The following OR2L2 variants were observed in gnomAD, a reference collection of about 807,000 sequenced individuals.
The protein encoded by OR2L2 is olfactory receptor 2L2.
For missense variants in OR2L2, 378 were observed against 375.2 expected (o/e 1.01, Z -0.06); for synonymous variants, 156 against 135.4 (o/e 1.15, Z -1.06).
chr1:248,033,373 A>G (rs1487293873), intron 1 of OR2L2, among the ~76,000 whole-genome samples: 1 of 152,120 alleles, frequency 6.6e-6, no homozygotes, highest in East Asian at 1.9e-4. Context: ...TTGCTTGCCA[A>G]AAAAATATTG....
chr1:248,031,851 C>T (rs1284940322), intron 1 of OR2L2, among the ~76,000 whole-genome samples: 2 of 151,988 alleles, frequency 1.3e-5, no homozygotes, highest in South Asian at 4.1e-4. Context: ...ATAGGGTACT[C>T]AGTTATAATA....
rs571944791 is a variant in OR2L2, at chr1:248,041,830, G to A, written c.*2624G>A. ...ATGAGATACCATCTCACACCAGTTA[G>A]AATGGCAATCATTAAAACGTCAGGA... is the stretch of plus-strand genomic sequence containing the variant. On this transcript the variant is annotated 3_prime_UTR_variant, in exon 3 of 3. Transcript: ENST00000641771. The A allele has an allele frequency of 5.3e-5, 8 of 152,332 alleles. No individual in the cohort carries two copies. The East Asian group carries it at 1.4e-3, about 26-fold the overall frequency. 9.4% of individuals were successfully genotyped at this position (152,332 alleles called of 1,614,324 possible).
At chr1:248,030,680 T>TA (rs1228179332) in intron 1 of OR2L2, among the ~76,000 whole-genome samples, 1 of 152,198 alleles carries the variant, frequency 6.6e-6, no homozygotes, top group Admixed American at 6.5e-5. Context: ...TGCTGCTTCT[T>TA]ACTTTGTGAT....
At chr1:248,037,755 G>A (rs149841784) in intron 2 of OR2L2, among the ~76,000 whole-genome samples, 180 of 152,188 alleles carry the variant, frequency 1.2e-3, no homozygotes, top group African/African-American at 3.9e-3. Flanking sequence ...TTTGCTTTCC[G>A]TGGTTTCTCC....
Position 248,038,393 on chromosome 1 carries a change from A to G in OR2L2, c.126A>G (p.Leu42=). ...TCCTAATGGCTCTAATTGGAAATCT[A>G]TCCATGATTCTTCTCATCTTTTTGG... is the stretch of plus-strand genomic sequence containing the variant. ...LIFLMALIGN[L]SMILLIFLDI... The change falls in exon 3 of 3, where the codon CTA becomes CTG. Residue 42 remains leucine, a synonymous_variant. Coordinates refer to ENST00000641771, the MANE Select transcript of OR2L2 (RefSeq NM_001385855.1). 1.2e-6 allele frequency: 2 copies of G among 1,613,636 alleles called. No homozygotes were observed. Among genetic ancestry groups the G allele is most frequent in the Non-Finnish European group, 1.7e-6 (2 of 1,179,606 alleles).
chr1:248,038,886 G>T lies in OR2L2; in HGVS notation c.619G>T (p.Val207Leu), dbSNP rs749535493. 15 of 1,613,994 alleles carry T rather than the reference G, an allele frequency of 9.3e-6. No individual in the cohort carries two copies. Among genetic ancestry groups the T allele is most frequent in the Non-Finnish European group, 1.3e-5 (15 of 1,180,040 alleles). The change falls in exon 3 of 3, where the codon GTG becomes TTG. Residue 207 changes from valine to leucine, a missense_variant. Physicochemically the swap from Val to Leu is conservative, Grantham distance 32. Coordinates refer to ENST00000641771, the MANE Select transcript of OR2L2 (RefSeq NM_001385855.1). ...GTTTTTGAGCAGCACCATCTTTCTT[G>T]TGCTTCCTTTCACTGGTATTGCATG... is the stretch of plus-strand genomic sequence containing the variant. ...TVFLSSTIFL[V>L]LPFTGIACSY...
At chr1:248,033,791 A>G (rs182283920) in intron 1 of OR2L2, among the ~76,000 whole-genome samples, 122 of 152,090 alleles carry the variant, frequency 8.0e-4, no homozygotes, top group Non-Finnish European at 1.3e-3. Context: ...CCAATGTCAT[A>G]CTGTTTTGAT....
intron 2 of OR2L2, among the ~76,000 whole-genome samples, chr1:248,037,061 T>C (rs1389783065): frequency 6.6e-6 from 1 of 152,114 alleles, no homozygotes; most frequent in East Asian, 1.9e-4. Context: ...CTGCATTAAC[T>C]TGAGAATTCA....
At position 248,038,443 on chromosome 1, in the gene OR2L2, A is replaced by G; in HGVS notation, c.176A>G (p.Tyr59Cys). 6.2e-7 allele frequency: 1 copy of G among 1,613,800 alleles called. No homozygotes were observed. Among genetic ancestry groups the G allele is most frequent in the South Asian group, 1.1e-5 (1 of 91,064 alleles). ...FLDIHLHTPMYFLLSQLSLID... is the reference protein window; with the variant it reads ...FLDIHLHTPMCFLLSQLSLID... Reference sequence around the variant, plus strand: ...GACATCCATCTCCACACACCTATGTATTTCCTACTTAGTCAGCTCTCCCTC... The same window carrying G: ...GACATCCATCTCCACACACCTATGTGTTTCCTACTTAGTCAGCTCTCCCTC... Residue 59 changes from tyrosine to cysteine, a missense_variant, in exon 3 of 3, where the codon TAT becomes TGT. By Grantham distance (194) the Tyr-to-Cys change is radical. Coordinates refer to ENST00000641771, the MANE Select transcript of OR2L2 (RefSeq NM_001385855.1).
At chr1:248,030,532 A>G (rs535827331) in intron 1 of OR2L2, among the ~76,000 whole-genome samples, 9 of 152,342 alleles carry the variant, frequency 5.9e-5, no homozygotes, top group African/African-American at 9.6e-5. Flanking sequence ...AAGTGAAATT[A>G]AAGAACCCAC....
intron 1 of OR2L2, among the ~76,000 whole-genome samples, chr1:248,030,967 A>G (rs1468952141): frequency 1.3e-5 from 2 of 152,202 alleles, no homozygotes; most frequent in Non-Finnish European, 2.9e-5. Context: ...CCTCCTGTGT[A>G]TAACATCATT....
Position 248,041,645 on chromosome 1 carries a change from A to G in OR2L2, c.*2439A>G, listed in dbSNP as rs1172749713. ...GGCTAATATCCAGAATCTACAATGA[A>G]CTCAAACAAACTTACAAGAAAAAAA... On this transcript the variant is annotated 3_prime_UTR_variant, in exon 3 of 3. Transcript: ENST00000641771. 2.6e-5 allele frequency: 4 copies of G among 152,134 alleles called. No individual in the cohort carries two copies. Among genetic ancestry groups the G allele is most frequent in the Non-Finnish European group, 5.9e-5 (4 of 68,024 alleles). 9.4% of individuals were successfully genotyped at this position (152,134 alleles called of 1,614,324 possible).
Position 248,039,734 on chromosome 1 carries a change from A to G in OR2L2, c.*528A>G, listed in dbSNP as rs1054345153. The G allele has an allele frequency of 6.6e-6, 1 of 152,196 alleles. No homozygotes were observed. Among genetic ancestry groups the G allele is most frequent in the East Asian group, 1.9e-4 (1 of 5,202 alleles). 9.4% of individuals were successfully genotyped at this position (152,196 alleles called of 1,614,324 possible). A position where few individuals can be genotyped will look rare whatever the true frequency, so the allele number is the denominator to read the frequency against. Reference sequence around the variant, plus strand: ...ATTACATAATAGTTGTTTATCTCCCATTATTATAAAAATAAGACAAAAATA... The same window carrying G: ...ATTACATAATAGTTGTTTATCTCCCGTTATTATAAAAATAAGACAAAAATA... On this transcript the variant is annotated 3_prime_UTR_variant, in exon 3 of 3. Coordinates refer to ENST00000641771, the MANE Select transcript of OR2L2 (RefSeq NM_001385855.1).
At chr1:248,031,306 C>A (rs1662614458) in intron 1 of OR2L2, among the ~76,000 whole-genome samples, 1 of 152,128 alleles carries the variant, frequency 6.6e-6, no homozygotes, top group Non-Finnish European at 1.5e-5. Context: ...CAAAGAGATG[C>A]TACATTGGTG....
At position 248,041,848 on chromosome 1, in the gene OR2L2, C is replaced by T. The variant is rs539346460; in HGVS notation, c.*2642C>T. ...CCAGTTAGAATGGCAATCATTAAAA[C>T]GTCAGGAAACAACAGGTGCTGGAGA... On this transcript the variant is annotated 3_prime_UTR_variant, in exon 3 of 3. Coordinates refer to ENST00000641771, the MANE Select transcript of OR2L2 (RefSeq NM_001385855.1). 3.9e-5 allele frequency: 6 copies of T among 152,056 alleles called. No homozygotes were observed. Among genetic ancestry groups the T allele is most frequent in the Non-Finnish European group, 7.4e-5 (5 of 68,014 alleles). The allele number at this position is 152,056 out of a possible 1,614,324, so 9.4% of individuals were successfully genotyped here. A position where few individuals can be genotyped will look rare whatever the true frequency, so the allele number is the denominator to read the frequency against.
chr1:248,034,356 A>AAAAC (rs2103091389), intron 1 of OR2L2, among the ~76,000 whole-genome samples: 1 of 152,368 alleles, frequency 6.6e-6, no homozygotes, highest in African/African-American at 2.4e-5. Flanking sequence ...CTAAGTGAAA[A>AAAAC]AAACAAATCT....
rs764100651 is a variant in OR2L2 at position 248,038,808 on chromosome 1, C to T, written c.541C>T (p.Pro181Ser). The T allele has an allele frequency of 6.8e-6, 11 of 1,614,010 alleles. No homozygotes were observed. Among genetic ancestry groups the T allele is most frequent in the Non-Finnish European group, 9.3e-6 (11 of 1,180,036 alleles). Reference sequence around the variant, plus strand: ...CATCAATCATTTTTTCTGTGATGTTCCAGCTATGTTGACGCTAGCCTGCAC... The same window carrying T: ...CATCAATCATTTTTTCTGTGATGTTTCAGCTATGTTGACGCTAGCCTGCAC... The part of the protein sequence containing the change: ...RAINHFFCDV[P>S]AMLTLACTDT... Residue 181 changes from proline (P) to serine (S), a missense_variant, in exon 3 of 3, where the codon CCA becomes TCA. Coordinates refer to ENST00000641771, the MANE Select transcript of OR2L2 (RefSeq NM_001385855.1).
chr1:248,034,217 G>A (rs561666819), intron 1 of OR2L2, among the ~76,000 whole-genome samples: 1 of 152,236 alleles, frequency 6.6e-6, no homozygotes, highest in South Asian at 2.1e-4. Flanking sequence ...TCAATATTGT[G>A]AAAATGACCA....
Position 248,033,938 on chromosome 1 carries a change from C to G in OR2L2, c.-96-1612C>G, listed in dbSNP as rs143341939. Among the ~76,000 whole-genome samples the G allele has an allele frequency of 5.1e-3, 772 of 152,276 alleles. 5 individuals are homozygous for G. Among genetic ancestry groups the G allele is most frequent in the African/African-American group, 0.017 (696 of 41,556 alleles). On this transcript the variant is annotated intron_variant, in intron 1 of 2. Transcript: ENST00000641771. ...CCAAATCAGTAAAGAGGAAGCCAAA[C>G]TGTCCCTCTTTGCTTATAATATGAT...
Sources: allele counts gnomAD v4.1 joint callset (sites outside exome capture counted in the v4.1 genomes callset), GRCh38; gene constraint gnomAD v4.1.1; transcripts MANE v1.5; gene names NCBI Gene and HGNC (gene_info 2026-07-23, HGNC 2026-07-21).